RELN: variants seen among roughly 807,000 people sequenced by gnomAD.
RELN encodes the protein reelin.
A neutral mutation model predicts 427.6 loss-of-function variants in RELN; 108 were observed. The ratio of observed to expected loss-of-function variants is 0.25; its 90% CI spans 0.22 to 0.30. RELN has a LOEUF of 0.30. RELN is among the 10% of genes least tolerant of loss of function. The pLI is 1.00. For synonymous variants in RELN, 1,524 were observed against 1,513.4 expected, an observed-to-expected ratio of 1.01 and a Z score of -0.16; for missense variants, 3,715 against 4,302.8, an observed-to-expected ratio of 0.86 and a Z score of 3.82.
At chr7:103,520,969 T>A (rs963461826) in intron 48 of RELN, among the ~76,000 whole-genome samples, 8 of 124,868 alleles carry the variant, frequency 6.4e-5, no homozygotes, top group Non-Finnish European at 8.6e-5. Context: ...TTTTTTTTTT[T>A]TTTTTTTTTT....
intron 1 of RELN, among the ~76,000 whole-genome samples, chr7:103,923,298 C>A (rs1795655754): frequency 6.6e-6 from 1 of 152,034 alleles, no homozygotes; most frequent in African/African-American, 2.4e-5. Flanking sequence ...AAATAGAGAC[C>A]ATAAAAAAAT....
intron 18 of RELN, among the ~76,000 whole-genome samples, 153 bp downstream of exon 18, chr7:103,636,082 C>A (rs957387315): frequency 6.6e-6 from 1 of 152,086 alleles, no homozygotes; most frequent in Non-Finnish European, 1.5e-5. Context: ...AAAACTAGGG[C>A]AAATTAACTC....
intron 2 of RELN, among the ~76,000 whole-genome samples, chr7:103,909,900 C>T (rs1795325325): frequency 7.3e-6 from 1 of 136,944 alleles, no homozygotes; most frequent in Admixed American, 7.8e-5. Flanking sequence ...TGTCAAATCA[C>T]ATTGAAAATA....
chr7:103,649,742 T>G (rs1229834532), intron 16 of RELN, among the ~76,000 whole-genome samples: 1 of 95,880 alleles, frequency 1.0e-5, no homozygotes, highest in Non-Finnish European at 2.2e-5. Flanking sequence ...AAATGAAAGA[T>G]AAAAGATTTA....
intron 8 of RELN, among the ~76,000 whole-genome samples, chr7:103,710,325 G>A (rs1000736358): frequency 8.5e-5 from 13 of 152,322 alleles, no homozygotes; most frequent in African/African-American, 3.1e-4. Flanking sequence ...CTGCTAAGAA[G>A]AAGCTGAGTT....
chr7:103,683,023 C>T (rs1419189502), intron 10 of RELN, among the ~76,000 whole-genome samples: 3 of 151,922 alleles, frequency 2.0e-5, no homozygotes, highest in African/African-American at 7.3e-5. Context: ...TATAAGTTTG[C>T]ATTAACATTT....
At chr7:103,597,439 C>T (rs1230369657) in intron 24 of RELN, among the ~76,000 whole-genome samples, 1 of 152,050 alleles carries the variant, frequency 6.6e-6, no homozygotes, top group Non-Finnish European at 1.5e-5. Context: ...CCTGTCTCTA[C>T]TAAAAATATA....
rs576175575 is a variant in RELN, at chr7:103,930,951, C to T, written c.227-13766G>A. Reference sequence around the variant, plus strand: ...TTTAAATGACTTTTGAAATCCAAGCCGATCAGGACTTTCTCCCCTTTACTC... The same window carrying T: ...TTTAAATGACTTTTGAAATCCAAGCTGATCAGGACTTTCTCCCCTTTACTC... On this transcript the variant is annotated intron_variant, in intron 1 of 64. Transcript: ENST00000428762. Among the ~76,000 whole-genome samples the T allele has an allele frequency of 2.7e-5, 4 of 150,928 alleles. No individual in the cohort carries two copies. In the South Asian group the frequency reaches 8.5e-4, roughly 32 times the overall value.
intron 8 of RELN, among the ~76,000 whole-genome samples, chr7:103,721,381 G>A (rs1790072589): frequency 6.6e-6 from 1 of 152,000 alleles, no homozygotes; most frequent in African/African-American, 2.4e-5. Flanking sequence ...GGAGACCAAG[G>A]GCTCTTGCTA....
intron 48 of RELN, among the ~76,000 whole-genome samples, chr7:103,520,963 T>TG (rs1829690110): frequency 6.9e-5 from 7 of 100,864 alleles, no homozygotes; most frequent in Admixed American, 4.9e-4. Flanking sequence ...TGTTATTTTT[T>TG]TTTTTTTTTT....
chr7:103,958,724 C>T (rs1047437049), intron 1 of RELN, among the ~76,000 whole-genome samples: 1 of 152,060 alleles, frequency 6.6e-6, no homozygotes, highest in Non-Finnish European at 1.5e-5. Context: ...AATAATCTTA[C>T]TGAATTGAGA....
rs1048896934 is a variant in RELN, at chr7:103,721,416, G to A, written c.805+1724C>T. On this transcript the variant is annotated intron_variant, in intron 8 of 64. Transcript: ENST00000428762. ...AAGTCCCATGTTTATGTCTAGTCCCGAGACCTTGGCCCTGGTGCTTGCTAT... is the reference window on the plus strand; with the variant it reads ...AAGTCCCATGTTTATGTCTAGTCCCAAGACCTTGGCCCTGGTGCTTGCTAT... 3.9e-5 allele frequency among the ~76,000 whole-genome samples: 6 copies of A among 152,200 alleles called. No individual in the cohort carries two copies. In the South Asian group the frequency reaches 1.0e-3, roughly 26 times the overall value.
intron 1 of RELN, among the ~76,000 whole-genome samples, chr7:103,980,578 C>T (rs1796970146): frequency 6.6e-6 from 1 of 152,156 alleles, no homozygotes; most frequent in Admixed American, 6.5e-5. Context: ...TTCTGGAGAA[C>T]TACACAGCAG....
intron 3 of RELN, among the ~76,000 whole-genome samples, chr7:103,799,530 G>C (rs980860824): frequency 6.6e-6 from 1 of 152,148 alleles, no homozygotes; most frequent in Non-Finnish European, 1.5e-5. Context: ...TGCACATGCT[G>C]TCCAATTATG....
At chr7:103,616,504 T>C (rs1044658525) in intron 20 of RELN, among the ~76,000 whole-genome samples, 4 of 152,140 alleles carry the variant, frequency 2.6e-5, no homozygotes, top group Non-Finnish European at 4.4e-5. Flanking sequence ...TAGTGGATTA[T>C]AGAAATTGTA....
chr7:103,481,463 A>T (rs1828234092), intron 63 of RELN, among the ~76,000 whole-genome samples: 1 of 151,940 alleles, frequency 6.6e-6, no homozygotes, highest in African/African-American at 2.4e-5. Flanking sequence ...GTGGTTATTG[A>T]CTCTCATTTT....
intron 20 of RELN, among the ~76,000 whole-genome samples, chr7:103,614,007 C>T (rs540795807): frequency 4.6e-5 from 7 of 152,130 alleles, no homozygotes; most frequent in East Asian, 3.9e-4. Context: ...AATGTAACTA[C>T]GAAATTGGCT....
rs115413683 is a variant in RELN, at chr7:103,525,949, A to G, written c.7350-2418T>C. Among the ~76,000 whole-genome samples, 880 of 152,324 alleles carry G rather than the reference A, an allele frequency of 5.8e-3. 8 individuals are homozygous for G. The highest frequency in any genetic ancestry group is 0.02 in the African/African-American group (840 of 41,560). ...TGCTGGCACCTACAGATGGAGCTTC[A>G]TAAACATTTGCTGAAACACTATTAA... On this transcript the variant is annotated intron_variant, in intron 46 of 64. Transcript: ENST00000428762.
At chr7:103,589,525 C>T (rs1286969387) in intron 28 of RELN, 71 bp downstream of exon 28, 2 of 1,003,070 alleles carry the variant, frequency 2.0e-6, no homozygotes, top group East Asian at 4.8e-5. Context: ...AGGATTACAA[C>T]ATTTAGGGTT....
Sources: gnomAD v4.1 joint callset for allele counts (sites outside exome capture counted in the v4.1 genomes callset) on GRCh38, gnomAD v4.1.1 for gene constraint, MANE v1.5 for transcripts, NCBI Gene and HGNC (gene_info 2026-07-23, HGNC 2026-07-21) for gene names.